KIF21A: variants seen among roughly 807,000 people sequenced by gnomAD.
KIF21A encodes the protein kinesin-like protein KIF21A.
A neutral mutation model predicts 202.9 loss-of-function variants in KIF21A; 114 were observed. The ratio of observed to expected loss-of-function variants is 0.56; its 90% CI spans 0.48 to 0.66. The LOEUF is 0.66. Among genes scored for constraint, KIF21A ranks in the 30% least tolerant of loss-of-function variants. KIF21A has a pLI of 0.00. For missense variants in KIF21A, 1,677 were observed against 1,994.9 expected (o/e 0.84, Z 3.04); for synonymous variants, 667 against 670.8 (o/e 0.99, Z 0.09).
At chr12:39,404,990 C>T (rs1430926222) in intron 1 of KIF21A, among the ~76,000 whole-genome samples, 1 of 150,194 alleles carries the variant, frequency 6.7e-6, no homozygotes, top group Admixed American at 6.6e-5. Flanking sequence ...TTTTTTCAAA[C>T]TAAAAAAATA....
intron 1 of KIF21A, among the ~76,000 whole-genome samples, chr12:39,390,745 T>C (rs540380946): frequency 2.2e-4 from 34 of 152,278 alleles, no homozygotes; most frequent in African/African-American, 7.9e-4. Context: ...AATAGCACTA[T>C]TGGAAAAAAA....
At chr12:39,340,452 A>G in intron 15 of KIF21A, 88 bp from the exon 16 acceptor site, 1 of 985,714 alleles carries the variant, frequency 1.0e-6, no homozygotes, top group Non-Finnish European at 1.5e-6. Context: ...CTAAGAGAAG[A>G]GCTACTTCCC....
intron 1 of KIF21A, among the ~76,000 whole-genome samples, chr12:39,420,620 G>A (rs1954176603): frequency 6.6e-6 from 1 of 152,108 alleles, no homozygotes; most frequent in Admixed American, 6.6e-5. Flanking sequence ...CTTTCCCACT[G>A]TAGGTCATTA....
At chr12:39,348,976 T>C (rs1046858880) in intron 11 of KIF21A, among the ~76,000 whole-genome samples, 5 of 152,074 alleles carry the variant, frequency 3.3e-5, no homozygotes, top group Admixed American at 3.3e-4. Context: ...AATGGCTTTG[T>C]TCCTGAGTTT....
intron 1 of KIF21A, among the ~76,000 whole-genome samples, chr12:39,389,748 G>A (rs1039946874): frequency 6.6e-6 from 1 of 152,054 alleles, no homozygotes; most frequent in African/African-American, 2.4e-5. Flanking sequence ...GGAGTGCAGG[G>A]CATTTTTTTT....
chr12:39,315,953 G>A lies in KIF21A; in HGVS notation c.3926C>T (p.Ser1309Phe). The change falls in exon 30 of 38, where the codon TCC becomes TTC. Residue 1309 changes from serine to phenylalanine, a missense_variant. Physicochemically the swap from Ser to Phe is radical, Grantham distance 155. This residue lies in a region of KIF21A where 705 missense variants were observed against 791.9 expected (regional missense o/e 0.89). Coordinates refer to ENST00000361418, the MANE Select transcript of KIF21A (RefSeq NM_001173464.2). ...VQQDKSDESD[S>F]SLSEVHRSSR... ...GTACCTGTGTACCTCCGAGAGAGAG[G>A]AGTCACTTTCATCAGACCTATAGTG... 2 of 1,606,038 alleles carry A rather than the reference G, an allele frequency of 1.2e-6. No homozygotes were observed. The highest frequency in any genetic ancestry group is 2.2e-5 in the South Asian group (2 of 90,876).
chr12:39,319,618 T>C (rs1028574863), intron 28 of KIF21A, among the ~76,000 whole-genome samples: 21 of 152,164 alleles, frequency 1.4e-4, no homozygotes, highest in African/African-American at 4.8e-4. Flanking sequence ...TAATAAGCCT[T>C]ACCTCAAGTA....
chr12:39,299,011 A>G (rs1565618284), intron 37 of KIF21A, among the ~76,000 whole-genome samples: 1 of 152,212 alleles, frequency 6.6e-6, no homozygotes. Context: ...ATAAGTAAGT[A>G]GAACTAATTT....
intron 15 of KIF21A, 71 bp downstream of exon 15, chr12:39,340,835 T>C (rs912265059): frequency 2.7e-6 from 3 of 1,121,894 alleles, no homozygotes; most frequent in African/African-American, 3.1e-5. Context: ...TTTTTTCTTC[T>C]AAAGGAAAAG....
In KIF21A at chr12:39,309,575, A is replaced by C; in HGVS notation, c.4277+11T>G. 1 of 1,598,968 alleles carries C rather than the reference A, an allele frequency of 6.3e-7. No individual in the cohort carries two copies. The highest frequency in any genetic ancestry group is 8.5e-7 in the Non-Finnish European group (1 of 1,170,520). On this transcript the variant is annotated intron_variant, in intron 33 of 37. Coordinates refer to ENST00000361418, the MANE Select transcript of KIF21A (RefSeq NM_001173464.2). ...TTCCTCCTTTATGCTATATGTCTTC[A>C]AGTTACTTACGTTAGTGTTCGAATG...
intron 9 of KIF21A, 81 bp downstream of exon 9, chr12:39,357,167 T>C: frequency 8.4e-7 from 1 of 1,193,780 alleles, no homozygotes; most frequent in Non-Finnish European, 1.3e-6. Context: ...ATTTCAACTA[T>C]GCTAGGTAAT....
intron 11 of KIF21A, among the ~76,000 whole-genome samples, chr12:39,348,073 A>G (rs1282106898): frequency 6.6e-6 from 1 of 152,116 alleles, no homozygotes; most frequent in Non-Finnish European, 1.5e-5. Context: ...CTATATTAAA[A>G]TATACAGTTG....
At chr12:39,315,326 T>A in intron 30 of KIF21A, 86 bp from the exon 31 acceptor site, 1 of 1,170,952 alleles carries the variant, frequency 8.5e-7, no homozygotes. Flanking sequence ...TGAAAGGGAA[T>A]GAGACAGAGA....
intron 33 of KIF21A, 84 bp from the exon 34 acceptor site, chr12:39,307,813 C>T: frequency 3.5e-6 from 4 of 1,129,858 alleles, no homozygotes; most frequent in South Asian, 2.6e-5. Flanking sequence ...AGGAAACTGG[C>T]TGTAGGCAAC....
chr12:39,418,264 C>T (rs1362018240), intron 1 of KIF21A, among the ~76,000 whole-genome samples: 1 of 151,494 alleles, frequency 6.6e-6, no homozygotes, highest in African/African-American at 2.4e-5. Flanking sequence ...TTTGTAAGGT[C>T]TAATCTATAT....
intron 1 of KIF21A, among the ~76,000 whole-genome samples, chr12:39,429,586 C>T (rs1955023356): frequency 6.6e-6 from 1 of 152,108 alleles, no homozygotes; most frequent in Non-Finnish European, 1.5e-5. Context: ...TTACTATGTG[C>T]CAGACATTAT....
intron 16 of KIF21A, chr12:39,337,498 C>T (rs556757874): frequency 2.7e-5 from 9 of 338,120 alleles, no homozygotes; most frequent in African/African-American, 4.3e-5. Context: ...TGACCTTGAT[C>T]GAATTACTTT....
intron 1 of KIF21A, among the ~76,000 whole-genome samples, chr12:39,430,397 C>A (rs1170785765): frequency 6.6e-6 from 1 of 151,758 alleles, no homozygotes; most frequent in Non-Finnish European, 1.5e-5. Flanking sequence ...GAAACCCTGT[C>A]TCTACTAAAA....
intron 31 of KIF21A, among the ~76,000 whole-genome samples, chr12:39,314,207 T>C (rs188889679): frequency 9.2e-5 from 14 of 151,852 alleles, no homozygotes; most frequent in East Asian, 3.9e-4. Context: ...CTATAAATGA[T>C]ATAAGGAATT....
Sources: gnomAD v4.1 joint callset for allele counts (sites outside exome capture counted in the v4.1 genomes callset) on GRCh38, gnomAD v4.1.1 for gene constraint, gnomAD v4.1.1 regional missense constraint, MANE v1.5 for transcripts, NCBI Gene and HGNC (gene_info 2026-07-23, HGNC 2026-07-21) for gene names.